The following CDC27 variants were observed in gnomAD, a reference collection of about 807,000 sequenced individuals.
The protein encoded by CDC27 is cell division cycle 27, also known as cell division cycle protein 27 homolog.
CDC27 carries 27 observed loss-of-function variants against 109.7 expected under a neutral mutation model. That is an observed-to-expected ratio of 0.25 (90% CI 0.18 to 0.34). The LOEUF (loss-of-function observed/expected upper bound fraction) is 0.34, where lower values mean the gene tolerates loss of function less well. Among genes scored for constraint, CDC27 ranks in the 10% least tolerant of loss-of-function variants. The pLI is 1.00. For missense variants in CDC27, 579 were observed against 960.2 expected (o/e 0.60, Z 5.25); for synonymous variants, 266 against 333.9 (o/e 0.80, Z 2.22).
intron 1 of CDC27, among the ~76,000 whole-genome samples, chr17:47,186,702 GT>G (rs1264146579): frequency 1.3e-5 from 2 of 152,192 alleles, no homozygotes; most frequent in Admixed American, 1.3e-4. Flanking sequence ...TTGAGACGGA[GT>G]TTTAATTTAG....
chr17:47,147,428 C>CAAACAAACA (rs1555789468), intron 9 of CDC27, among the ~76,000 whole-genome samples: 10 of 134,720 alleles, frequency 7.4e-5, no homozygotes, highest in Non-Finnish European at 1.3e-4. Flanking sequence ...AACAAACAAA[C>CAAACAAACA]AAAAAAAAAA....
At chr17:47,144,701 T>G (rs1310877762) in intron 9 of CDC27, among the ~76,000 whole-genome samples, 1 of 152,216 alleles carries the variant, frequency 6.6e-6, no homozygotes, top group Non-Finnish European at 1.5e-5. Context: ...TGACAGTGGG[T>G]AAACTTGTGG....
chr17:47,157,822 C>T (rs1469784514), intron 5 of CDC27, among the ~76,000 whole-genome samples: 1 of 152,146 alleles, frequency 6.6e-6, no homozygotes, highest in Non-Finnish European at 1.5e-5. Context: ...GCCAAATATA[C>T]TGAGAAATTC....
intron 5 of CDC27, 107 bp downstream of exon 5, chr17:47,158,099 T>C (rs1434149480): frequency 2.3e-6 from 1 of 433,430 alleles, no homozygotes; most frequent in African/African-American, 2.0e-5. Context: ...CTTTGAAAAA[T>C]ATTTTTCTTG....
chr17:47,155,138 C>T (rs1259256517), intron 7 of CDC27, among the ~76,000 whole-genome samples: 1 of 152,150 alleles, frequency 6.6e-6, no homozygotes, highest in Non-Finnish European at 1.5e-5. Flanking sequence ...GAAAATGTCT[C>T]TAGAGACCAT....
rs11570457 is a variant in CDC27, at chr17:47,182,276, AAT to A, written c.28-641_28-640del. On this transcript the variant is annotated intron_variant, in intron 1 of 18. Coordinates refer to ENST00000066544, the MANE Select transcript of CDC27 (RefSeq NM_001256.6). ...CATAGGAATAACTTTTAATTTTTTG[AAT>A]ATATGTTTTCTCTTTTAGAATTACA... Among the ~76,000 whole-genome samples, 247 of 152,338 alleles carry A rather than the reference AAT, an allele frequency of 1.6e-3. 1 individual carries two copies. Among genetic ancestry groups the A allele is most frequent in the African/African-American group, 5.5e-3 (230 of 41,574 alleles).
chr17:47,120,693 C>T lies in CDC27; in HGVS notation c.*242G>A. The stretch of plus-strand genomic sequence containing the variant: ...TTAAAGAAAAACAGAAAAGAAAGTT[C>T]CCCACCCTACCCCCCATAAATTGTC... On this transcript the variant is annotated 3_prime_UTR_variant, in exon 19 of 19. Transcript: ENST00000066544. The T allele has an allele frequency of 2.6e-6, 1 of 378,926 alleles. No homozygotes were observed. The highest frequency in any genetic ancestry group is 8.6e-5 in the South Asian group (1 of 11,668). 23.5% of individuals were successfully genotyped at this position (378,926 alleles called of 1,614,324 possible). A position where few individuals can be genotyped will look rare whatever the true frequency, so the allele number is the denominator to read the frequency against.
intron 12 of CDC27, among the ~76,000 whole-genome samples, chr17:47,140,520 A>T (rs2062762848): frequency 6.6e-6 from 1 of 152,236 alleles, no homozygotes. Context: ...CCTCTGAAAA[A>T]TGATTATGGC....
intron 2 of CDC27, among the ~76,000 whole-genome samples, chr17:47,174,824 C>T (rs112039926): frequency 0.011 from 1,681 of 152,018 alleles, 15 homozygotes; most frequent in Middle Eastern, 0.044. Flanking sequence ...GGTGTGGTGG[C>T]GTGCACCTGT....
chr17:47,142,794 T>G (rs187255909), intron 10 of CDC27, among the ~76,000 whole-genome samples: 1 of 152,324 alleles, frequency 6.6e-6, no homozygotes. Flanking sequence ...TTCTCCTGCT[T>G]CAGCCTCCCG....
At chr17:47,140,776 A>G (rs2062770460) in intron 12 of CDC27, among the ~76,000 whole-genome samples, 1 of 152,248 alleles carries the variant, frequency 6.6e-6, no homozygotes, top group African/African-American at 2.4e-5. Context: ...TTTTGTAGCA[A>G]TGAATAAGAC....
intron 14 of CDC27, among the ~76,000 whole-genome samples, chr17:47,133,771 C>T (rs1337292874): frequency 6.6e-6 from 1 of 151,542 alleles, no homozygotes; most frequent in African/African-American, 2.4e-5. Context: ...TTTTTTGAGA[C>T]AGTCTTGCTT....
intron 1 of CDC27, among the ~76,000 whole-genome samples, chr17:47,186,778 A>T (rs569738060): frequency 6.6e-6 from 1 of 152,198 alleles, no homozygotes; most frequent in Non-Finnish European, 1.5e-5. Context: ...AATGCAGAAA[A>T]CAGTTCTTCA....
chr17:47,174,990 C>CAGGACAGGAA (rs1555558268), intron 2 of CDC27, among the ~76,000 whole-genome samples: 4,827 of 144,474 alleles, frequency 0.033, 148 homozygotes, highest in Non-Finnish European at 0.042. Flanking sequence ...CAGGACAGGA[C>CAGGACAGGAA]AGGAAAGGAA....
intron 4 of CDC27, among the ~76,000 whole-genome samples, chr17:47,164,109 T>C (rs966094097): frequency 1.3e-5 from 2 of 152,204 alleles, no homozygotes; most frequent in Non-Finnish European, 2.9e-5. Context: ...TTTTCTTTGT[T>C]TAGATACACA....
rs1271046199 is a variant in CDC27, at chr17:47,168,989, T to TC, written c.377+927_377+928insG. On this transcript the variant is annotated intron_variant, in intron 4 of 18. Transcript: ENST00000066544. Reference sequence around the variant, plus strand: ...AGAGTTACTTGTTCTTTTTCTTTTTTTTTTTCTTTTTTTTTTTTTGGAAAC... The same window carrying TC: ...AGAGTTACTTGTTCTTTTTCTTTTTTCTTTTTCTTTTTTTTTTTTTGGAAAC... Among the ~76,000 whole-genome samples, 3 of 149,990 alleles carry TC rather than the reference T, an allele frequency of 2.0e-5. 1 individual carries two copies. Among genetic ancestry groups the TC allele is most frequent in the Non-Finnish European group, 1.5e-5 (1 of 67,610 alleles).
At chr17:47,138,191 A>G (rs2062681344) in intron 13 of CDC27, among the ~76,000 whole-genome samples, 1 of 152,140 alleles carries the variant, frequency 6.6e-6, no homozygotes, top group African/African-American at 2.4e-5. Flanking sequence ...CTCTGTTTCA[A>G]ACTCTCCATC....
rs779126942 is a variant in CDC27, at chr17:47,137,247, T to G, written c.1818A>C (p.Leu606=). The G allele has an allele frequency of 6.2e-7, 1 of 1,610,784 alleles. No individual in the cohort carries two copies. The highest frequency in any genetic ancestry group is 1.1e-5 in the South Asian group (1 of 90,932). The change falls in exon 14 of 19, where the codon CTA becomes CTC. Residue 606 remains leucine (L), a synonymous_variant. Coordinates refer to ENST00000066544, the MANE Select transcript of CDC27 (RefSeq NM_001256.6). ...CAGTTAAGACAAACTCATGCCCTAA[T>G]AGAGTATAGGCATAAGCGTAATTTG... ...VDPNYAYAYT[L]LGHEFVLTEE...
At chr17:47,188,418 C>T (rs1031241029) in intron 1 of CDC27, among the ~76,000 whole-genome samples, 3 of 152,080 alleles carry the variant, frequency 2.0e-5, no homozygotes, top group Non-Finnish European at 4.4e-5. Context: ...GTGAAATGGA[C>T]AGAAACACCA....
Sources: allele counts gnomAD v4.1 joint callset (sites outside exome capture counted in the v4.1 genomes callset), GRCh38; gene constraint gnomAD v4.1.1; transcripts MANE v1.5; gene names NCBI Gene and HGNC (gene_info 2026-07-23, HGNC 2026-07-21).